Variants in TRIM2 observed in about 807,000 individuals in gnomAD.
The protein encoded by TRIM2 is tripartite motif-containing protein 2.
TRIM2 carries 20 observed loss-of-function variants against 75.2 expected under a neutral mutation model. The ratio of observed to expected loss-of-function variants is 0.27; its 90% CI spans 0.19 to 0.39. The LOEUF (loss-of-function observed/expected upper bound fraction) is 0.39. Among genes scored for constraint, TRIM2 ranks in the 10% least tolerant of loss-of-function variants. The probability of loss-of-function intolerance (pLI) is 1.00; values close to 1 mark genes in which losing one functional copy is unlikely to be tolerated. For missense variants in TRIM2, 660 were observed against 990.8 expected (o/e 0.67, Z 4.48); for synonymous variants, 373 against 388.3 (o/e 0.96, Z 0.46).
At chr4:153,334,690 A>G (rs1772229518) in intron 11 of TRIM2, 124 bp from the exon 12 acceptor site, 1 of 913,270 alleles carries the variant, frequency 1.1e-6, no homozygotes, top group Non-Finnish European at 1.6e-6. Flanking sequence ...TGGGTGTCAG[A>G]GTGAGACCCT....
chr4:153,196,687 A>C (rs536338171), intron 1 of TRIM2, among the ~76,000 whole-genome samples: 1 of 152,312 alleles, frequency 6.6e-6, no homozygotes, highest in African/African-American at 2.4e-5. Context: ...ATTTTCTTCC[A>C]TCAGGGTTAT....
In TRIM2 at chr4:153,325,381, C is replaced by A. The variant is rs550281480; in HGVS notation, c.2022+1233C>A. 5.9e-5 allele frequency among the ~76,000 whole-genome samples: 9 copies of A among 152,304 alleles called. No homozygotes were observed. The South Asian group carries it at 1.2e-3, about 21-fold the overall frequency. Reference sequence around the variant, plus strand: ...TGCTCACATGGTGGCATAGGTCCCCCCTACACTCAAATGCAGATAATCTGC... The same window carrying A: ...TGCTCACATGGTGGCATAGGTCCCCACTACACTCAAATGCAGATAATCTGC... On this transcript the variant is annotated intron_variant, in intron 10 of 11. Coordinates refer to ENST00000338700, the MANE Select transcript of TRIM2 (RefSeq NM_015271.5).
chr4:153,187,270 C>T (rs1160702371), intron 1 of TRIM2, among the ~76,000 whole-genome samples: 1 of 152,128 alleles, frequency 6.6e-6, no homozygotes, highest in Non-Finnish European at 1.5e-5. Flanking sequence ...GCCCATTACT[C>T]TCATATTACA....
intron 1 of TRIM2, among the ~76,000 whole-genome samples, chr4:153,196,606 C>T (rs562864812): frequency 6.6e-6 from 1 of 152,106 alleles, no homozygotes; most frequent in East Asian, 1.9e-4. Context: ...ATGTCATTAC[C>T]GTTATTACTA....
chr4:153,326,430 G>A (rs1770190748), intron 10 of TRIM2, among the ~76,000 whole-genome samples: 1 of 151,990 alleles, frequency 6.6e-6, no homozygotes, highest in Non-Finnish European at 1.5e-5. Flanking sequence ...GGAATACTTG[G>A]GTTTTTCTTC....
chr4:153,181,251 A>G (rs1732029953), intron 1 of TRIM2, among the ~76,000 whole-genome samples: 1 of 151,948 alleles, frequency 6.6e-6, no homozygotes, highest in South Asian at 2.2e-4. Flanking sequence ...GTCTCACAGA[A>G]CAGGTGGGAT....
chr4:153,154,836 G>A (rs2149583948), intron 1 of TRIM2, among the ~76,000 whole-genome samples: 1 of 152,248 alleles, frequency 6.6e-6, no homozygotes, highest in South Asian at 2.1e-4. Flanking sequence ...TTGACATTTG[G>A]TGCTTAAATT....
At chr4:153,319,752 A>T (rs1391113759) in intron 8 of TRIM2, among the ~76,000 whole-genome samples, 10 of 151,916 alleles carry the variant, frequency 6.6e-5, no homozygotes, top group East Asian at 5.8e-4. Context: ...ATATATATAT[A>T]TTTTTTGTTG....
chr4:153,330,178 A>G (rs919888719), intron 11 of TRIM2, among the ~76,000 whole-genome samples: 1 of 152,334 alleles, frequency 6.6e-6, no homozygotes, highest in East Asian at 1.9e-4. Context: ...TAATTTTAAA[A>G]CACCAAAAAG....
chr4:153,252,316 C>T (rs1197284312), intron 1 of TRIM2, among the ~76,000 whole-genome samples: 1 of 152,160 alleles, frequency 6.6e-6, no homozygotes, highest in East Asian at 1.9e-4. Context: ...TCTTGCACAT[C>T]CTGGGGCAGG....
In TRIM2 at chr4:153,338,622, G is replaced by T. The variant is rs1334140484; in HGVS notation, c.*3656G>T. 3.0e-6 allele frequency: 3 copies of T among 984,918 alleles called. No individual in the cohort carries two copies. The highest frequency in any genetic ancestry group is 3.5e-5 in the African/African-American group (2 of 57,154). 61.0% of individuals were successfully genotyped at this position (984,918 alleles called of 1,614,324 possible). The stretch of plus-strand genomic sequence containing the variant: ...CAAAGATTTGTTTGGTATAAATAAA[G>T]AATTATTTGTTTTGTTTTCAATGAC... On this transcript the variant is annotated 3_prime_UTR_variant, in exon 12 of 12. Coordinates refer to ENST00000338700, the MANE Select transcript of TRIM2 (RefSeq NM_015271.5).
chr4:153,224,969 A>T (rs536457460), intron 1 of TRIM2, among the ~76,000 whole-genome samples: 1 of 152,156 alleles, frequency 6.6e-6, no homozygotes, highest in African/African-American at 2.4e-5. Flanking sequence ...AAGAGGTTGG[A>T]TAGTTATTTT....
At chr4:153,204,310 A>G (rs1734801879), upstream of TRIM2, 1 of 578,672 alleles carries the variant, frequency 1.7e-6, no homozygotes, top group Non-Finnish European at 3.1e-6. Context: ...TCGGAATGAA[A>G]CACAATATCT....
intron 10 of TRIM2, among the ~76,000 whole-genome samples, chr4:153,325,479 C>T (rs536030444): frequency 2.0e-5 from 3 of 152,242 alleles, no homozygotes; most frequent in Non-Finnish European, 2.9e-5. Context: ...AAGTTGGTAG[C>T]CAAAGAAGGA....
intron 1 of TRIM2, among the ~76,000 whole-genome samples, chr4:153,227,188 G>A (rs958528882): frequency 3.3e-5 from 5 of 152,244 alleles, no homozygotes; most frequent in African/African-American, 1.2e-4. Flanking sequence ...GTTTCCTTTG[G>A]CAGTGAAAGG....
intron 1 of TRIM2, among the ~76,000 whole-genome samples, chr4:153,185,595 A>G (rs1732519044): frequency 6.6e-6 from 1 of 152,136 alleles, no homozygotes; most frequent in African/African-American, 2.4e-5. Context: ...TTTGTGTTTG[A>G]AAAGAGCCAG....
intron 6 of TRIM2, among the ~76,000 whole-genome samples, chr4:153,300,014 TAAA>T (rs1763537783): frequency 6.6e-6 from 1 of 152,208 alleles, no homozygotes; most frequent in Admixed American, 6.5e-5. Flanking sequence ...TCTATAGAAG[TAAA>T]AATTGCCTTG....
chr4:153,177,449 C>T lies in TRIM2; in HGVS notation c.-49+24179C>T, dbSNP rs113453388. On this transcript the variant is annotated intron_variant, in intron 1 of 11. Transcript: ENST00000437508. ...GGTGGGTGGATCAGGAGTTTGAGACCAGCCTGGCCAACATGGTGAAACCCC... is the reference window on the plus strand; with the variant it reads ...GGTGGGTGGATCAGGAGTTTGAGACTAGCCTGGCCAACATGGTGAAACCCC... Among the ~76,000 whole-genome samples the T allele has an allele frequency of 7.2e-3, 1,089 of 152,218 alleles. 17 individuals are homozygous for T. The highest frequency in any genetic ancestry group is 0.025 in the African/African-American group (1,023 of 41,534).
intron 8 of TRIM2, among the ~76,000 whole-genome samples, chr4:153,319,808 A>G (rs1214458325): frequency 6.6e-6 from 1 of 152,146 alleles, no homozygotes; most frequent in Non-Finnish European, 1.5e-5. Flanking sequence ...AGGGAAATGC[A>G]GGGATTCTTA....
Sources: allele counts gnomAD v4.1 joint callset (sites outside exome capture counted in the v4.1 genomes callset), GRCh38; gene constraint gnomAD v4.1.1; transcripts MANE v1.5; gene names NCBI Gene and HGNC (gene_info 2026-07-23, HGNC 2026-07-21).